NEBL: variants seen among roughly 807,000 people sequenced by gnomAD.
The protein encoded by NEBL is LIM and SH3 protein 2.
In NEBL, 122 loss-of-function variants were observed where a neutral mutation model predicts 140.2. The observed-to-expected ratio is 0.87, with a 90% CI of 0.75 to 1.01. The LOEUF is 1.01. Among genes scored for constraint, NEBL ranks in the 50% least tolerant of loss-of-function variants. The pLI is 0.00. For missense variants in NEBL, 1,365 were observed against 1,231.3 expected (o/e 1.11, Z -1.62); for synonymous variants, 436 against 398.9 (o/e 1.09, Z -1.11).
chr10:20,921,701 C>A (rs1237733287), intron 4 of NEBL, among the ~76,000 whole-genome samples: 2 of 152,084 alleles, frequency 1.3e-5, no homozygotes, highest in African/African-American at 4.8e-5. Flanking sequence ...ACTTTGTTTC[C>A]TGCTGCACCT....
intron 1 of NEBL, among the ~76,000 whole-genome samples, chr10:21,262,858 G>A (rs897730354): frequency 7.9e-5 from 12 of 152,112 alleles, no homozygotes; most frequent in African/African-American, 1.7e-4. Context: ...TTTAAATTCC[G>A]TGTAGACATT....
intron 2 of NEBL, among the ~76,000 whole-genome samples, chr10:21,064,752 T>G (rs1277587537): frequency 6.6e-6 from 1 of 152,118 alleles, no homozygotes; most frequent in Non-Finnish European, 1.5e-5. Context: ...CAATGTAAAT[T>G]TGATTCTGAA....
At chr10:20,926,828 G>A (rs1162922364) in intron 4 of NEBL, among the ~76,000 whole-genome samples, 3 of 152,248 alleles carry the variant, frequency 2.0e-5, no homozygotes, top group East Asian at 3.9e-4. Context: ...AACACAGATC[G>A]GTTTCAATTT....
chr10:21,010,290 G>C (rs1023245475), intron 3 of NEBL, among the ~76,000 whole-genome samples: 2 of 152,138 alleles, frequency 1.3e-5, no homozygotes, highest in Admixed American at 1.3e-4. Flanking sequence ...TGTCGACCAG[G>C]CTGGAGTGCA....
intron 3 of NEBL, among the ~76,000 whole-genome samples, chr10:21,187,420 G>A (rs74549638): frequency 1.7e-3 from 261 of 152,124 alleles, no homozygotes; most frequent in African/African-American, 5.9e-3. Context: ...TGTCGAACCC[G>A]ATCAGCTAGC....
chr10:20,977,456 A>G (rs1382527499), intron 3 of NEBL, among the ~76,000 whole-genome samples: 2 of 152,180 alleles, frequency 1.3e-5, no homozygotes, highest in African/African-American at 4.8e-5. Flanking sequence ...GAGGTAACAA[A>G]CCATATCCAC....
At chr10:21,112,989 C>A in intron 2 of NEBL, 1 of 289,692 alleles carries the variant, frequency 3.5e-6, no homozygotes, top group Non-Finnish European at 6.5e-6. Flanking sequence ...CAAGTTTCCA[C>A]AGAAAAAAAG....
chr10:20,989,775 T>C (rs961453029), intron 3 of NEBL, among the ~76,000 whole-genome samples: 1 of 152,192 alleles, frequency 6.6e-6, no homozygotes, highest in Non-Finnish European at 1.5e-5. Flanking sequence ...TCAATGAACA[T>C]TTACAGGAGT....
chr10:21,236,853 C>T (rs1351751084), intron 3 of NEBL, among the ~76,000 whole-genome samples: 1 of 152,144 alleles, frequency 6.6e-6, no homozygotes, highest in African/African-American at 2.4e-5. Context: ...AAGTCAGGAA[C>T]AGTTCCAAGA....
At chr10:21,048,664 G>A (rs1261062201) in intron 2 of NEBL, among the ~76,000 whole-genome samples, 1 of 151,950 alleles carries the variant, frequency 6.6e-6, no homozygotes, top group Non-Finnish European at 1.5e-5. Flanking sequence ...AATCTGCAGG[G>A]TAGAGACCCA....
At chr10:21,262,336 A>G (rs1232467093) in intron 1 of NEBL, among the ~76,000 whole-genome samples, 1 of 152,184 alleles carries the variant, frequency 6.6e-6, no homozygotes, top group African/African-American at 2.4e-5. Flanking sequence ...GCCTCTGCAC[A>G]AGAAGTTTGC....
intron 2 of NEBL, among the ~76,000 whole-genome samples, chr10:21,144,669 A>G (rs113604229): frequency 0.015 from 2,315 of 152,146 alleles, 56 homozygotes; most frequent in African/African-American, 0.052. Flanking sequence ...GGAGGTTGCA[A>G]TGAGCCGAGA....
At chr10:20,815,965 G>T (rs1838684135) in intron 21 of NEBL, 3 of 453,360 alleles carry the variant, frequency 6.6e-6, no homozygotes, top group Non-Finnish European at 8.1e-6. Flanking sequence ...ATTGAGTTTT[G>T]CCATGTTGTC....
At chr10:21,229,645 C>T (rs1842218413) in intron 3 of NEBL, among the ~76,000 whole-genome samples, 1 of 152,164 alleles carries the variant, frequency 6.6e-6, no homozygotes, top group Non-Finnish European at 1.5e-5. Flanking sequence ...TTTATTCCCA[C>T]TTGTTTCATT....
chr10:21,211,195 T>C (rs191111939), intron 3 of NEBL, among the ~76,000 whole-genome samples: 243 of 152,280 alleles, frequency 1.6e-3, no homozygotes, highest in African/African-American at 5.3e-3. Flanking sequence ...AAAATAGTCA[T>C]TGGCCGAGTG....
rs565188787 is a variant in NEBL, at chr10:20,976,965, A to G, written c.250-15186T>C. On this transcript the variant is annotated intron_variant, in intron 3 of 6. Coordinates refer to the NEBL transcript ENST00000417816. ...GTGCTTCAGGTCCTTACCTGTACCT[A>G]AACAAAGGAACATAGCCAACCAAAA... Among the ~76,000 whole-genome samples, 60 of 152,138 alleles carry G rather than the reference A, an allele frequency of 3.9e-4. No homozygotes were observed. The South Asian group carries it at 0.012, about 30-fold the overall frequency.
At position 21,044,307 on chromosome 10, in the gene NEBL, G is replaced by C. The variant is rs564710734; in HGVS notation, c.165-24106C>G. ...AGCAGCTCAGGAGGCTGAGGCAGGA[G>C]AATCGCTTGAACCCGGGAGGCGGAG... On this transcript the variant is annotated intron_variant, in intron 2 of 6. Transcript: ENST00000417816. Among the ~76,000 whole-genome samples the C allele has an allele frequency of 1.1e-4, 16 of 144,636 alleles. No homozygotes were observed. The East Asian group carries it at 3.4e-3, about 31-fold the overall frequency. The allele number at this position is 144,636 out of a possible 152,430, so 94.9% of individuals were successfully genotyped here. A position where few individuals can be genotyped will look rare whatever the true frequency, so the allele number is the denominator to read the frequency against.
At chr10:21,147,485 C>G (rs2132117972) in intron 2 of NEBL, among the ~76,000 whole-genome samples, 1 of 151,534 alleles carries the variant, frequency 6.6e-6, no homozygotes, top group East Asian at 1.9e-4. Context: ...CAGTCCTCAA[C>G]CCACTGCAGG....
intron 3 of NEBL, among the ~76,000 whole-genome samples, chr10:21,187,211 A>T (rs566441999): frequency 1.3e-5 from 2 of 152,176 alleles, no homozygotes; most frequent in African/African-American, 4.8e-5. Flanking sequence ...CATGATTATA[A>T]GTTTCCTGAG....
Sources: allele counts gnomAD v4.1 joint callset (sites outside exome capture counted in the v4.1 genomes callset), GRCh38; gene constraint gnomAD v4.1.1; transcripts MANE v1.5; gene names NCBI Gene and HGNC (gene_info 2026-07-23, HGNC 2026-07-21).